Variants in TAF1 observed in about 807,000 individuals in gnomAD.
TAF1 encodes TATA-box binding protein associated factor 1.
TAF1 carries 2 observed loss-of-function variants against 138.5 expected under a neutral mutation model. The observed-to-expected ratio is 0.01, with a 90% confidence interval of 0.01 to 0.05. The LOEUF (loss-of-function observed/expected upper bound fraction) is 0.05. Among genes scored for constraint, TAF1 ranks in the 10% least tolerant of loss-of-function variants. The pLI is 1.00. For missense variants in TAF1, 709 were observed against 1,478.0 expected, an observed-to-expected ratio of 0.48 and a Z score of 8.53; for synonymous variants, 437 against 503.2, an observed-to-expected ratio of 0.87 and a Z score of 1.76.
rs182066966 is a variant in TAF1 at position 71,506,984 on chromosome X, G to A, written c.1367-21558G>A. On this transcript the variant is annotated intron_variant and NMD_transcript_variant, in intron 13 of 14. Coordinates refer to the TAF1 transcript ENST00000373775. The stretch of plus-strand genomic sequence containing the variant: ...AAGACAGACACAAAGGTCACACATT[G>A]TATGATTCCATTTGCGTTAAATATC... Among the ~76,000 whole-genome samples the A allele has an allele frequency of 7.5e-3, 843 of 111,929 alleles. 5 individuals carry two copies. Among genetic ancestry groups the A allele is most frequent in the Middle Eastern group, 0.028 (6 of 218 alleles).
intron 32 of TAF1, among the ~76,000 whole-genome samples, chrX:71,436,470 C>G (rs1402984877): frequency 9.2e-6 from 1 of 109,146 alleles, no homozygotes; most frequent in African/African-American, 3.3e-5. Flanking sequence ...CTGCCTCGGC[C>G]TCCCAAAGTG....
In TAF1 at chrX:71,454,227, C is replaced by A; in HGVS notation, c.4811C>A (p.Thr1604Lys). 8.3e-7 allele frequency: 1 copy of A among 1,209,575 alleles called. No homozygotes were observed. Among genetic ancestry groups the A allele is most frequent in the Non-Finnish European group, 1.1e-6 (1 of 893,835 alleles). ...GAGATTGTGAACGTCTGTTACCAGA[C>A]ATTGACTGAGGTAGGTGGTAAAGAT... ...AQEIVNVCYQ[T>K]LTEYDEHLTQ... Residue 1604 changes from threonine to lysine, a missense_variant, in exon 33 of 38, where the codon ACA becomes AAA. Coordinates refer to ENST00000423759, the MANE Select transcript of TAF1 (RefSeq NM_004606.5).
intron 33 of TAF1, 151 bp downstream of exon 33, chrX:71,454,388 C>T: frequency 2.0e-6 from 1 of 501,296 alleles, no homozygotes; most frequent in Non-Finnish European, 3.3e-6. Context: ...TCATTTGAGC[C>T]TGGGAGGTCA....
chrX:71,387,345 G>A lies in TAF1; in HGVS notation c.2311G>A (p.Gly771Ser), dbSNP rs1436332462. ...TDFLIIRTRQ[G>S]YYIRELVDIF... Reference sequence around the variant, plus strand: ...TTTCTTGATCATTCGGACAAGACAGGGTTACTATATTCGGGAATTAGTGGA... The same window carrying A: ...TTTCTTGATCATTCGGACAAGACAGAGTTACTATATTCGGGAATTAGTGGA... The change falls in exon 15 of 38, where the codon GGT becomes AGT. Residue 771 changes from glycine to serine, a missense_variant. Physicochemically the swap from Gly to Ser is moderately conservative, Grantham distance 56 (BLOSUM62 0). Around this residue, in one of 14 missense-constraint regions of TAF1, gnomAD observed 201 missense variants for 421.3 expected, o/e 0.48. Transcript: ENST00000423759. The A allele has an allele frequency of 4.1e-6, 5 of 1,210,337 alleles. No homozygotes were observed. In the African/African-American group the frequency reaches 8.7e-5, roughly 21 times the overall value.
chrX:71,424,093 C>T (rs766981417), intron 31 of TAF1, 27 bp downstream of exon 31: 3 of 1,201,786 alleles, frequency 2.5e-6, no homozygotes, highest in South Asian at 3.5e-5. Context: ...ATCTAAATGC[C>T]TTTTTGTAAT....
rs4040068 is a variant in TAF1 at position 71,508,086 on chromosome X, C to CTCTCTCTATA, written c.1367-20455_1367-20454insCTCTCTATAT. Among the ~76,000 whole-genome samples the CTCTCTCTATA allele has an allele frequency of 2.1e-3, 196 of 92,167 alleles. 1 individual carries two copies. The highest frequency in any genetic ancestry group is 7.5e-3 in the African/African-American group (174 of 23,317). 80.0% of individuals were successfully genotyped at this position (92,167 alleles called of 115,157 possible). A position where few individuals can be genotyped will look rare whatever the true frequency, so the allele number is the denominator to read the frequency against. ...GAATATTCTCTCTCTCTCTCTCTCT[C>CTCTCTCTATA]TATATATATATATATATATATATAT... On this transcript the variant is annotated intron_variant and NMD_transcript_variant, in intron 13 of 14. Transcript: ENST00000373775.
intron 13 of TAF1, among the ~76,000 whole-genome samples, chrX:71,526,163 T>C (rs1460633671): frequency 9.0e-6 from 1 of 111,580 alleles, no homozygotes; most frequent in African/African-American, 3.3e-5. Flanking sequence ...TTTATTCAAA[T>C]CAATTCAAAC....
At chrX:71,469,549 A>G (rs2038841726), downstream of TAF1, among the ~76,000 whole-genome samples, 1 of 108,065 alleles carries the variant, frequency 9.3e-6, no homozygotes, top group Non-Finnish European at 1.9e-5. Flanking sequence ...AAAAATTAGT[A>G]GCCAGGCATG....
At chrX:71,503,334 A>G (rs1446669237) in intron 13 of TAF1, among the ~76,000 whole-genome samples, 2 of 99,404 alleles carry the variant, frequency 2.0e-5, no homozygotes, top group Non-Finnish European at 3.9e-5. Flanking sequence ...GTGTGTATAT[A>G]TATATATATG....
chrX:71,440,917 T>A (rs1479244419), intron 32 of TAF1, among the ~76,000 whole-genome samples: 1 of 110,614 alleles, frequency 9.0e-6, no homozygotes, highest in African/African-American at 3.3e-5. Flanking sequence ...CCTCCCTTCT[T>A]CTTTCTCCTT....
At chrX:71,393,955 T>C in intron 21 of TAF1, 112 bp from the exon 22 acceptor site, 2 of 788,928 alleles carry the variant, frequency 2.5e-6, no homozygotes, top group Non-Finnish European at 3.5e-6. Flanking sequence ...AAGGGCCCCA[T>C]GTCTTAGTGG....
At chrX:71,515,899 C>T (rs931557765) in intron 13 of TAF1, among the ~76,000 whole-genome samples, 4 of 111,269 alleles carry the variant, frequency 3.6e-5, no homozygotes, top group Non-Finnish European at 7.5e-5. Context: ...ATCAAGTGAA[C>T]TCTTAAAAAG....
chrX:71,456,266 A>G (rs749499805), intron 34 of TAF1, among the ~76,000 whole-genome samples: 71 of 111,786 alleles, frequency 6.4e-4, no homozygotes, highest in African/African-American at 2.1e-3. Context: ...TTTCTTCACT[A>G]CGTCTCCCAG....
intron 13 of TAF1, among the ~76,000 whole-genome samples, chrX:71,481,922 T>C (rs778557175): frequency 8.9e-6 from 1 of 112,269 alleles, no homozygotes; most frequent in African/African-American, 3.2e-5. Context: ...AACAAAAAAC[T>C]TGACTTAAAT....
rs138637066 is a variant in TAF1, at chrX:71,435,014, A to G, written c.4753+10776A>G. Among the ~76,000 whole-genome samples, 748 of 112,650 alleles carry G rather than the reference A, an allele frequency of 6.6e-3. 5 individuals carry two copies. Among genetic ancestry groups the G allele is most frequent in the Non-Finnish European group, 8.3e-3 (441 of 53,333 alleles). On this transcript the variant is annotated intron_variant, in intron 32 of 37. Transcript: ENST00000423759. The stretch of plus-strand genomic sequence containing the variant: ...TGCCTGATCTCATTTGAAATGAGCT[A>G]CATAGTCTGAACCAATAGGTGATGC...
At chrX:71,438,590 A>G (rs1329184050) in intron 32 of TAF1, among the ~76,000 whole-genome samples, 1 of 111,997 alleles carries the variant, frequency 8.9e-6, no homozygotes, top group Non-Finnish European at 1.9e-5. Flanking sequence ...ACAGGATCAC[A>G]TAATTATCAG....
chrX:71,411,751 G>T (rs946178054), intron 28 of TAF1, among the ~76,000 whole-genome samples: 4 of 112,109 alleles, frequency 3.6e-5, no homozygotes, highest in African/African-American at 1.3e-4. Context: ...AAAGTGGTCA[G>T]GTTTTTTGTT....
intron 13 of TAF1, among the ~76,000 whole-genome samples, chrX:71,477,943 G>A (rs754801879): frequency 9.2e-6 from 1 of 109,004 alleles, no homozygotes; most frequent in East Asian, 2.9e-4. Flanking sequence ...GCAGTGAGCC[G>A]AGATCACACC....
chrX:71,466,406 C>A, downstream of TAF1: 1 of 112,767 alleles, frequency 8.9e-6, no homozygotes. Context: ...ATCACCACAC[C>A]GGGCTGATTT....
Sources: gnomAD v4.1 joint callset for allele counts (sites outside exome capture counted in the v4.1 genomes callset) on GRCh38, gnomAD v4.1.1 for gene constraint, gnomAD v4.1.1 regional missense constraint, MANE v1.5 for transcripts, NCBI Gene and HGNC (gene_info 2026-07-23, HGNC 2026-07-21) for gene names.